The following HDAC9 variants were observed in gnomAD, a reference collection of about 807,000 sequenced individuals.
HDAC9 encodes the protein histone deacetylase 9, also known as MEF-2 interacting transcription repressor (MITR) protein.
Under a neutral mutation model 139.4 loss-of-function variants are expected in HDAC9, and 41 were observed. That is an observed-to-expected ratio of 0.29 (90% CI 0.23 to 0.38). The LOEUF (loss-of-function observed/expected upper bound fraction) is 0.38. HDAC9 is among the 10% of genes least tolerant of loss of function. The pLI, the probability that HDAC9 is intolerant of heterozygous loss-of-function variation, is 1.00. For synonymous variants in HDAC9, 517 were observed against 476.2 expected (o/e 1.09, Z -1.12); for missense variants, 1,147 against 1,297.0 (o/e 0.88, Z 1.78).
intron 16 of HDAC9, among the ~76,000 whole-genome samples, chr7:18,782,459 C>T (rs537161342): frequency 2.6e-5 from 4 of 151,974 alleles, no homozygotes; most frequent in African/African-American, 9.7e-5. Context: ...CTATCATGTG[C>T]GGCTTTTCAG....
chr7:18,521,556 AT>A (rs1805045643), intron 2 of HDAC9, among the ~76,000 whole-genome samples: 1 of 152,040 alleles, frequency 6.6e-6, no homozygotes, highest in African/African-American at 2.4e-5. Context: ...ATTGCTATCT[AT>A]TTTTTCACCA....
chr7:18,250,583 G>T (rs1794853515), intron 2 of HDAC9, among the ~76,000 whole-genome samples: 1 of 152,154 alleles, frequency 6.6e-6, no homozygotes, highest in Non-Finnish European at 1.5e-5. Context: ...CCACTTAGCT[G>T]AGAGCCTTAC....
chr7:18,574,845 G>A (rs930424765), intron 2 of HDAC9, among the ~76,000 whole-genome samples: 1 of 152,250 alleles, frequency 6.6e-6, no homozygotes, highest in Non-Finnish European at 1.5e-5. Context: ...GGCAGCGACA[G>A]CAGGCACTTC....
At chr7:18,524,485 C>T (rs563029119) in intron 2 of HDAC9, among the ~76,000 whole-genome samples, 20 of 152,042 alleles carry the variant, frequency 1.3e-4, no homozygotes, top group African/African-American at 3.1e-4. Context: ...AGTTTGTCCA[C>T]GTAAAGACAA....
chr7:18,520,115 A>T (rs918505102), intron 2 of HDAC9, among the ~76,000 whole-genome samples: 1 of 152,116 alleles, frequency 6.6e-6, no homozygotes, highest in Admixed American at 6.5e-5. Context: ...TCACAGTTCA[A>T]TAAAGTGTTT....
intron 5 of HDAC9, among the ~76,000 whole-genome samples, chr7:18,593,410 A>G (rs11762171): frequency 0.077 from 11,670 of 152,176 alleles, 478 homozygotes; most frequent in Middle Eastern, 0.11. Flanking sequence ...AAACTGCCCC[A>G]GAAGTCAGGA....
chr7:18,364,216 G>T (rs552976041), intron 1 of HDAC9, among the ~76,000 whole-genome samples: 64 of 152,212 alleles, frequency 4.2e-4, no homozygotes, highest in African/African-American at 1.4e-3. Flanking sequence ...GAGTTAAACT[G>T]CCTGGGGCTG....
At chr7:18,635,198 T>C (rs1204743837) in intron 8 of HDAC9, among the ~76,000 whole-genome samples, 1 of 151,778 alleles carries the variant, frequency 6.6e-6, no homozygotes, top group Admixed American at 6.6e-5. Flanking sequence ...GACACATCAG[T>C]AAGTAAAAAC....
At chr7:18,763,104 CAAAT>C (rs1399590354) in intron 15 of HDAC9, among the ~76,000 whole-genome samples, 1 of 152,074 alleles carries the variant, frequency 6.6e-6, no homozygotes, top group Non-Finnish European at 1.5e-5. Context: ...GTTTTTCCTT[CAAAT>C]AAATGTATTG....
chr7:18,322,869 T>C (rs1202533528), intron 1 of HDAC9, among the ~76,000 whole-genome samples: 2 of 151,906 alleles, frequency 1.3e-5, no homozygotes, highest in African/African-American at 2.4e-5. Context: ...ATATGGGAAA[T>C]GAGAAAGGAT....
chr7:18,962,329 C>G (rs1783579144), intron 24 of HDAC9, among the ~76,000 whole-genome samples: 2 of 152,166 alleles, frequency 1.3e-5, no homozygotes, highest in Admixed American at 1.3e-4. Context: ...CCAACCCTCG[C>G]TTGTATCACA....
At chr7:18,968,519 G>T (rs965618303) in intron 24 of HDAC9, among the ~76,000 whole-genome samples, 1 of 152,006 alleles carries the variant, frequency 6.6e-6, no homozygotes, top group Non-Finnish European at 1.5e-5. Flanking sequence ...TCAGACATTG[G>T]CCTGCAGGCA....
intron 1 of HDAC9, among the ~76,000 whole-genome samples, chr7:18,471,875 A>G (rs779230880): frequency 1.3e-5 from 2 of 152,218 alleles, no homozygotes; most frequent in South Asian, 2.1e-4. Flanking sequence ...GGAAGATGCA[A>G]CTAGTTTAGA....
At chr7:18,350,844 A>C (rs1782792515) in intron 1 of HDAC9, among the ~76,000 whole-genome samples, 1 of 152,206 alleles carries the variant, frequency 6.6e-6, no homozygotes, top group Admixed American at 6.5e-5. Context: ...CCATAACGAC[A>C]CTGGGCATTG....
chr7:18,203,390 C>G (rs529318146), intron 2 of HDAC9, among the ~76,000 whole-genome samples: 102 of 152,164 alleles, frequency 6.7e-4, no homozygotes, highest in African/African-American at 2.4e-3. Context: ...CACAGTTGCT[C>G]CCATTAGAGG....
At chr7:18,379,579 A>T (rs1785260103) in intron 1 of HDAC9, among the ~76,000 whole-genome samples, 1 of 152,192 alleles carries the variant, frequency 6.6e-6, no homozygotes, top group South Asian at 2.1e-4. Flanking sequence ...TCACACACAA[A>T]CAATTTAAAA....
At chr7:18,402,770 G>T (rs1787664597) in intron 1 of HDAC9, among the ~76,000 whole-genome samples, 3 of 152,250 alleles carry the variant, frequency 2.0e-5, no homozygotes, top group Admixed American at 1.3e-4. Context: ...TGAATGAAAG[G>T]TTGCTTTCAG....
intron 1 of HDAC9, among the ~76,000 whole-genome samples, chr7:18,339,116 ATTCC>A (rs1352244095): frequency 6.6e-6 from 1 of 151,390 alleles, no homozygotes; most frequent in Non-Finnish European, 1.5e-5. Context: ...CATTATTTCC[ATTCC>A]TAATATTGGT....
intron 1 of HDAC9, among the ~76,000 whole-genome samples, chr7:18,149,254 C>T (rs1252523575): frequency 6.6e-6 from 1 of 150,940 alleles, no homozygotes; most frequent in African/African-American, 2.4e-5. Context: ...GTTTTGTTTT[C>T]TTACTCGTTT....
Sources: allele counts gnomAD v4.1 joint callset (sites outside exome capture counted in the v4.1 genomes callset), GRCh38; gene constraint gnomAD v4.1.1; transcripts MANE v1.5; gene names NCBI Gene and HGNC (gene_info 2026-07-23, HGNC 2026-07-21).